Variants in SKOR2 observed in about 807,000 individuals in gnomAD.
The protein encoded by SKOR2 is LBX1 corepressor 1-like protein.
SKOR2 carries 47 observed loss-of-function variants against 69.1 expected under a neutral mutation model. The observed-to-expected ratio is 0.68, with a 90% confidence interval of 0.54 to 0.87. The LOEUF is 0.87. Among genes scored for constraint, SKOR2 ranks in the 40% least tolerant of loss-of-function variants. The pLI is 0.00. For synonymous variants in SKOR2, 717 were observed against 672.6 expected (o/e 1.07, Z -1.02); for missense variants, 1,404 against 1,472.2 (o/e 0.95, Z 0.76).
At chr18:47,221,374 T>C (rs72913161) in intron 6 of SKOR2, among the ~76,000 whole-genome samples, 1,878 of 152,270 alleles carry the variant, frequency 0.012, 26 homozygotes, top group Non-Finnish European at 0.019. Flanking sequence ...GAGAGCTGCT[T>C]GAGCAGACAC....
intron 6 of SKOR2, among the ~76,000 whole-genome samples, chr18:47,221,008 G>T (rs1465258629): frequency 1.3e-5 from 2 of 151,780 alleles, no homozygotes; most frequent in Admixed American, 1.3e-4. Flanking sequence ...ATCATTTTCC[G>T]ACTGACCACC....
chr18:47,251,126 G>A (rs2064310738), intron 1 of SKOR2, among the ~76,000 whole-genome samples: 1 of 151,302 alleles, frequency 6.6e-6, no homozygotes, highest in African/African-American at 2.4e-5. Flanking sequence ...TTTTTTGGGT[G>A]GGTGGGGAGG....
rs2064291959 is a variant in SKOR2 at position 47,248,212 on chromosome 18, C to T, written c.972G>A (p.Val324=). The change falls in exon 2 of 9, where the codon GTG becomes GTA. Residue 324 remains valine, a synonymous_variant. Transcript: ENST00000425639. This position sits in a 1 kb window ranked among gnomAD's most constrained non-coding sequence, Gnocchi z 6.4. ...CTGCGGCCGAGAGGCTGGCGGCGGCCACTACGGCGGCCTCCTGCAAGGAGT... is the reference window on the plus strand; with the variant it reads ...CTGCGGCCGAGAGGCTGGCGGCGGCTACTACGGCGGCCTCCTGCAAGGAGT... The part of the protein sequence containing the change: ...DDDSLQEAAV[V]AAASLSAAAA... 1.3e-5 allele frequency: 16 copies of T among 1,231,482 alleles called. No homozygotes were observed. In the South Asian group the frequency reaches 5.3e-4, roughly 41 times the overall value. The allele number at this position is 1,231,482 out of a possible 1,614,324, so 76.3% of individuals were successfully genotyped here. A position where few individuals can be genotyped will look rare whatever the true frequency, so the allele number is the denominator to read the frequency against.
intron 7 of SKOR2, among the ~76,000 whole-genome samples, chr18:47,217,421 T>C (rs1378801511): frequency 1.3e-5 from 2 of 152,192 alleles, no homozygotes; most frequent in African/African-American, 4.8e-5. Flanking sequence ...ATGTTAAAGC[T>C]CATCTCTGTT....
chr18:47,215,211 A>G (rs137985449), intron 7 of SKOR2, among the ~76,000 whole-genome samples: 53 of 152,300 alleles, frequency 3.5e-4, no homozygotes, highest in African/African-American at 1.2e-3. Flanking sequence ...ATTTTAAGGC[A>G]GCCTCCACAG....
intron 4 of SKOR2, among the ~76,000 whole-genome samples, chr18:47,237,436 G>A (rs991521280): frequency 1.3e-5 from 2 of 152,162 alleles, no homozygotes; most frequent in African/African-American, 4.8e-5. Context: ...AGAGCCAAAC[G>A]AATGGTCAGG....
chr18:47,248,333 G>C lies in SKOR2; in HGVS notation c.851C>G (p.Ala284Gly). Reference protein sequence around the residue: ...GGLLGPHLLGAPPPPPPPPPP... With the variant: ...GGLLGPHLLGGPPPPPPPPPP... ...CGGTGGCGGCGGCGGCGGCGGGGGCGCACCCAGCAGGTGGGGGCCCAGCAG... is the reference window on the plus strand; with the variant it reads ...CGGTGGCGGCGGCGGCGGCGGGGGCCCACCCAGCAGGTGGGGGCCCAGCAG... The change falls in exon 2 of 9, where the codon GCG (alanine) becomes GGG (glycine). Residue 284 changes from alanine (A) to glycine (G), a missense_variant. Coordinates refer to ENST00000425639, the MANE Select transcript of SKOR2 (RefSeq NM_001278063.4). The surrounding 1 kb of genome is among the most constrained non-coding windows in gnomAD (Gnocchi z 6.4). 8.3e-7 allele frequency: 1 copy of C among 1,202,292 alleles called. No homozygotes were observed. Among genetic ancestry groups the C allele is most frequent in the South Asian group, 4.1e-5 (1 of 24,404 alleles). 74.5% of individuals were successfully genotyped at this position (1,202,292 alleles called of 1,614,324 possible).
At chr18:47,234,396 A>G (rs2064212398) in intron 4 of SKOR2, 1 of 152,182 alleles carries the variant, frequency 6.6e-6, no homozygotes, top group Non-Finnish European at 1.5e-5. Flanking sequence ...ACATCCCTAA[A>G]GTGCTTACTT....
Position 47,247,936 on chromosome 18 carries a change from G to A in SKOR2, c.1248C>T (p.Ala416=). The A allele has an allele frequency of 7.3e-7, 1 of 1,367,016 alleles. No homozygotes were observed. The highest frequency in any genetic ancestry group is 9.4e-7 in the Non-Finnish European group (1 of 1,066,382). The allele number at this position is 1,367,016 out of a possible 1,614,324, so 84.7% of individuals were successfully genotyped here. Residue 416 remains alanine, a synonymous_variant, in exon 2 of 9, where the codon GCC becomes GCT. Coordinates refer to ENST00000425639, the MANE Select transcript of SKOR2 (RefSeq NM_001278063.4). This position sits in a 1 kb window ranked among gnomAD's most constrained non-coding sequence, Gnocchi z 6.6. ...CTTTCTTATGGCACAAGCTGAAGGC[G>A]GCGGCCGCGGCAGGGAAGGTGTAGG... ...PHPYTFPAAA[A]AFSLCHKKED... is the part of the protein sequence containing the mutation.
chr18:47,219,874 A>T, intron 7 of SKOR2, 69 bp downstream of exon 7: 1 of 1,368,840 alleles, frequency 7.3e-7, no homozygotes, highest in Non-Finnish European at 1.0e-6. Context: ...GAACAGTTTC[A>T]TACATATTGG....
chr18:47,246,533 T>C (rs1206207528), intron 2 of SKOR2, 38 bp downstream of exon 2: 1 of 1,465,280 alleles, frequency 6.8e-7, no homozygotes. Flanking sequence ...ATTTAAATAA[T>C]AATAATTAGC....
chr18:47,249,272 A>G lies in SKOR2; in HGVS notation c.-47-42T>C, dbSNP rs1216119086. 3 of 1,426,000 alleles carry G rather than the reference A, an allele frequency of 2.1e-6. No individual in the cohort carries two copies. The African/African-American group carries it at 4.3e-5, about 20-fold the overall frequency. The allele number at this position is 1,426,000 out of a possible 1,614,324, so 88.3% of individuals were successfully genotyped here. On this transcript the variant is annotated intron_variant, in intron 1 of 8. Transcript: ENST00000425639. ...AAAGCGTTGACTTGAGCCTTTTCAG[A>G]CTAAAACAGAGGGGTGGGATGAATC... is the stretch of plus-strand genomic sequence containing the variant.
Position 47,249,060 on chromosome 18 carries a change from C to G in SKOR2, c.124G>C (p.Gly42Arg). 1 of 1,537,244 alleles carries G rather than the reference C, an allele frequency of 6.5e-7. No individual in the cohort carries two copies. The highest frequency in any genetic ancestry group is 1.2e-5 in the South Asian group (1 of 84,078). Reference protein sequence around the residue: ...GHANLKPNQVGQVILYGIPIV... With the variant: ...GHANLKPNQVRQVILYGIPIV... ...GGAATGCCGTAGAGGATCACCTGGC[C>G]CACCTGGTTGGGTTTGAGGTTGGCG... Residue 42 changes from glycine (G) to arginine (R), a missense_variant, in exon 2 of 9, where the codon GGC becomes CGC. Transcript: ENST00000425639.
In SKOR2 at chr18:47,247,282, C is replaced by T. The variant is rs1292690700; in HGVS notation, c.1902G>A (p.Glu634=). 8 of 1,482,636 alleles carry T rather than the reference C, an allele frequency of 5.4e-6. No homozygotes were observed. The highest frequency in any genetic ancestry group is 2.9e-5 in the East Asian group (1 of 33,948). The allele number at this position is 1,482,636 out of a possible 1,614,324, so 91.8% of individuals were successfully genotyped here. A position where few individuals can be genotyped will look rare whatever the true frequency, so the allele number is the denominator to read the frequency against. Residue 634 remains glutamate, a synonymous_variant, in exon 2 of 9, where the codon GAG becomes GAA. Coordinates refer to ENST00000425639, the MANE Select transcript of SKOR2 (RefSeq NM_001278063.4). The surrounding 1 kb of genome is among the most constrained non-coding windows in gnomAD (Gnocchi z 6.6). The part of the protein sequence containing the change: ...FRPVGGKDDA[E]SLAKLHGASA... ...ACGCCCCGTGCAGCTTGGCCAGGCT[C>T]TCCGCGTCGTCCTTGCCGCCCACTG... is the stretch of plus-strand genomic sequence containing the variant.
rs1373508268 is a variant in SKOR2 at position 47,248,152 on chromosome 18, G to T, written c.1032C>A (p.Gly344=). ...CAGCGCCGCCCCCACCAGTCCCCGC[G>T]CCGCCCGAAGCAGCAGCCACAGAGA... is the stretch of plus-strand genomic sequence containing the variant. ...ASLSVAAASG[G]AGTGGGGAGG... is the part of the protein sequence containing the mutation. The change falls in exon 2 of 9, where the codon GGC becomes GGA. Residue 344 remains glycine, a synonymous_variant. Transcript: ENST00000425639. This position sits in a 1 kb window ranked among gnomAD's most constrained non-coding sequence, Gnocchi z 6.4. 14 of 1,255,682 alleles carry T rather than the reference G, an allele frequency of 1.1e-5. No homozygotes were observed. The highest frequency in any genetic ancestry group is 6.1e-4 in the Middle Eastern group (2 of 3,298). 77.8% of individuals were successfully genotyped at this position (1,255,682 alleles called of 1,614,324 possible). A position where few individuals can be genotyped will look rare whatever the true frequency, so the allele number is the denominator to read the frequency against.
At chr18:47,222,398 C>T (rs2064164468) in intron 6 of SKOR2, among the ~76,000 whole-genome samples, 1 of 151,902 alleles carries the variant, frequency 6.6e-6, no homozygotes, top group African/African-American at 2.4e-5. Context: ...CTTTCCTGTG[C>T]AGGGGAAGTG....
chr18:47,237,624 C>A lies in SKOR2; in HGVS notation c.2753-6624G>T, dbSNP rs574191264. 1.3e-4 allele frequency among the ~76,000 whole-genome samples: 20 copies of A among 151,710 alleles called. No individual in the cohort carries two copies. In the South Asian group the frequency reaches 3.1e-3, roughly 24 times the overall value. ...AAACTTTTGCCATTTGAATAAAGAT[C>A]AAAAAATGTGGCATTCACCCATCCC... On this transcript the variant is annotated intron_variant, in intron 4 of 8. Transcript: ENST00000425639.
chr18:47,227,558 T>C (rs1363830253), intron 6 of SKOR2, among the ~76,000 whole-genome samples: 1 of 152,130 alleles, frequency 6.6e-6, no homozygotes. Context: ...CTCAAACTCC[T>C]GACCTCAAGT....
At position 47,248,309 on chromosome 18, in the gene SKOR2, G is replaced by A. The variant is rs1366949155; in HGVS notation, c.875C>T (p.Pro292Leu). ...ACCAGCCAGCTCTGCCAAGGGCGGC[G>A]GTGGCGGCGGCGGCGGCGGGGGCGC... ...LGAPPPPPPP[P>L]PPLAELAGAP... Residue 292 changes from proline to leucine, a missense_variant, in exon 2 of 9, where the codon CCG becomes CTG. By Grantham distance (98) the Pro-to-Leu change is moderately conservative (BLOSUM62 -3). Transcript: ENST00000425639. The surrounding 1 kb of genome is among the most constrained non-coding windows in gnomAD (Gnocchi z 6.4). 134 of 1,205,522 alleles carry A rather than the reference G, an allele frequency of 1.1e-4. No homozygotes were observed. Among genetic ancestry groups the A allele is most frequent in the Non-Finnish European group, 1.4e-4 (134 of 973,514 alleles). 74.7% of individuals were successfully genotyped at this position (1,205,522 alleles called of 1,614,324 possible). A position where few individuals can be genotyped will look rare whatever the true frequency, so the allele number is the denominator to read the frequency against.
Sources: gnomAD v4.1 joint callset for allele counts (sites outside exome capture counted in the v4.1 genomes callset) on GRCh38, gnomAD v4.1.1 for gene constraint, Gnocchi (gnomAD v3.1) non-coding constraint, MANE v1.5 for transcripts, NCBI Gene and HGNC (gene_info 2026-07-23, HGNC 2026-07-21) for gene names.